NR6A1: variants seen among roughly 807,000 people sequenced by gnomAD.
NR6A1 encodes the protein retinoic acid receptor-related testis-associated receptor.
A neutral mutation model predicts 59.1 loss-of-function variants in NR6A1; 7 were observed. The observed-to-expected ratio is 0.12, with a 90% CI of 0.07 to 0.22. NR6A1 has a LOEUF of 0.22. NR6A1 is among the 10% of genes least tolerant of loss of function. The probability of loss-of-function intolerance (pLI) is 1.00; values close to 1 mark genes in which losing one functional copy is unlikely to be tolerated. For missense variants in NR6A1, 468 were observed against 611.6 expected (o/e 0.77, Z 2.48); for synonymous variants, 243 against 236.1 (o/e 1.03, Z -0.27).
chr9:124,646,595 T>C (rs187772442), intron 2 of NR6A1, among the ~76,000 whole-genome samples: 28 of 152,276 alleles, frequency 1.8e-4, no homozygotes, highest in Admixed American at 2.6e-4. Flanking sequence ...CTGGGCCACA[T>C]TGGAAGAATA....
intron 1 of NR6A1, among the ~76,000 whole-genome samples, chr9:124,756,269 T>C (rs984293904): frequency 2.0e-5 from 3 of 152,208 alleles, no homozygotes; most frequent in African/African-American, 7.2e-5. Flanking sequence ...TTGAGGAGGT[T>C]TGTACCCGCT....
chr9:124,594,628 T>C (rs1037888520), intron 2 of NR6A1, among the ~76,000 whole-genome samples: 3 of 152,220 alleles, frequency 2.0e-5, no homozygotes, highest in African/African-American at 7.2e-5. Context: ...ACAGGCCTTA[T>C]ATATAACTGG....
intron 3 of NR6A1, among the ~76,000 whole-genome samples, chr9:124,551,195 C>T (rs1833767535): frequency 1.3e-5 from 2 of 152,134 alleles, no homozygotes; most frequent in African/African-American, 4.8e-5. Flanking sequence ...GATCTGGGTG[C>T]TGGGTGTACT....
At chr9:124,755,389 T>C (rs1230901630) in intron 1 of NR6A1, among the ~76,000 whole-genome samples, 1 of 152,192 alleles carries the variant, frequency 6.6e-6, no homozygotes, top group Non-Finnish European at 1.5e-5. Flanking sequence ...GTAATTTCAT[T>C]ATTGTGATCT....
At chr9:124,674,162 T>C (rs1330316078) in intron 2 of NR6A1, among the ~76,000 whole-genome samples, 2 of 152,210 alleles carry the variant, frequency 1.3e-5, no homozygotes, top group Non-Finnish European at 2.9e-5. Context: ...CCATAAATGT[T>C]AGCTGATATT....
chr9:124,656,959 A>G (rs1403704954), intron 2 of NR6A1, among the ~76,000 whole-genome samples: 1 of 152,202 alleles, frequency 6.6e-6, no homozygotes, highest in Admixed American at 6.5e-5. Flanking sequence ...CAAGAGGAGA[A>G]GAGTTCTGTG....
chr9:124,631,510 A>T (rs1045721413), intron 2 of NR6A1, among the ~76,000 whole-genome samples: 3 of 152,236 alleles, frequency 2.0e-5, no homozygotes, highest in African/African-American at 7.2e-5. Context: ...ATGTCTAAAA[A>T]TAGAATGATA....
intron 2 of NR6A1, among the ~76,000 whole-genome samples, chr9:124,665,533 T>A (rs1317342522): frequency 6.6e-6 from 1 of 152,234 alleles, no homozygotes; most frequent in African/African-American, 2.4e-5. Context: ...CAAGATAATT[T>A]CTGGAGAGGA....
At chr9:124,654,362 T>C (rs1162091969) in intron 2 of NR6A1, among the ~76,000 whole-genome samples, 1 of 151,998 alleles carries the variant, frequency 6.6e-6, no homozygotes, top group African/African-American at 2.4e-5. Context: ...TGGGAAAAAA[T>C]ACACTTGGAA....
intron 2 of NR6A1, among the ~76,000 whole-genome samples, chr9:124,716,558 G>A (rs979064400): frequency 4.6e-5 from 7 of 152,122 alleles, no homozygotes; most frequent in Non-Finnish European, 7.4e-5. Context: ...CATATCTGAC[G>A]GACTTATATG....
intron 2 of NR6A1, among the ~76,000 whole-genome samples, chr9:124,616,594 C>A (rs909768087): frequency 4.6e-5 from 7 of 151,770 alleles, no homozygotes; most frequent in Admixed American, 4.6e-4. Flanking sequence ...GCAAAGATCC[C>A]AAAATATATA....
At chr9:124,705,782 CT>C (rs11351242) in intron 2 of NR6A1, among the ~76,000 whole-genome samples, 60,539 of 145,510 alleles carry the variant, frequency 0.42, 13,005 homozygotes, top group Admixed American at 0.55. Context: ...TCAATCCCCC[CT>C]TTTTTTTTTT....
At chr9:124,769,220 A>C (rs1841032247) in intron 1 of NR6A1, among the ~76,000 whole-genome samples, 1 of 151,014 alleles carries the variant, frequency 6.6e-6, no homozygotes. Flanking sequence ...CGGAACGGCC[A>C]GCCACCTAGC....
chr9:124,668,992 A>AAGTAGGG (rs1837708341), intron 2 of NR6A1, among the ~76,000 whole-genome samples: 1 of 152,264 alleles, frequency 6.6e-6, no homozygotes, highest in African/African-American at 2.4e-5. Flanking sequence ...TCTCCCTAAG[A>AAGTAGGG]AGACAAATTA....
At chr9:124,742,459 G>A (rs566111876) in intron 1 of NR6A1, among the ~76,000 whole-genome samples, 10 of 152,280 alleles carry the variant, frequency 6.6e-5, no homozygotes, top group Admixed American at 3.3e-4. Flanking sequence ...TACTCGAGAG[G>A]CTGAGGCAGG....
intron 1 of NR6A1, among the ~76,000 whole-genome samples, chr9:124,739,211 G>A (rs375880229): frequency 6.1e-4 from 92 of 151,654 alleles, no homozygotes; most frequent in African/African-American, 2.1e-3. Context: ...AAATGGGGGC[G>A]GCGAGGGTAT....
intron 7 of NR6A1, among the ~76,000 whole-genome samples, chr9:124,527,898 G>C (rs748431660): frequency 6.6e-6 from 1 of 152,198 alleles, no homozygotes; most frequent in Non-Finnish European, 1.5e-5. Context: ...ACTTAATCAG[G>C]AAGCAGGAGT....
Position 124,688,375 on chromosome 9 carries a change from A to G in NR6A1, c.142+44933T>C, listed in dbSNP as rs566378555. Among the ~76,000 whole-genome samples, 68 of 152,294 alleles carry G rather than the reference A, an allele frequency of 4.5e-4. 2 individuals are homozygous for G. In the East Asian group the frequency reaches 0.011, roughly 25 times the overall value. On this transcript the variant is annotated intron_variant, in intron 2 of 9. Coordinates refer to ENST00000487099, the MANE Select transcript of NR6A1 (RefSeq NM_033334.4). ...ATGTGAATGTGGTCTCTCTCTCAGA[A>G]TATCTTATTGTACCGTACTCACCTA...
chr9:124,707,400 CT>C (rs1482099694), intron 2 of NR6A1, among the ~76,000 whole-genome samples: 3 of 152,060 alleles, frequency 2.0e-5, no homozygotes, highest in African/African-American at 7.2e-5. Context: ...CACACTTCCT[CT>C]TTTAATTCTT....
Sources: allele counts gnomAD v4.1 joint callset (sites outside exome capture counted in the v4.1 genomes callset), GRCh38; gene constraint gnomAD v4.1.1; transcripts MANE v1.5; gene names NCBI Gene and HGNC (gene_info 2026-07-23, HGNC 2026-07-21).